DHRSX: variants seen among roughly 807,000 people sequenced by gnomAD.
The protein encoded by DHRSX is dehydrogenase/reductase X-linked, also known as polyprenol dehydrogenase.
Under a neutral mutation model 34.0 loss-of-function variants are expected in DHRSX, and 31 were observed. The observed-to-expected ratio is 0.91, with a 90% CI of 0.69 to 1.23. The LOEUF is 1.23. Ranked by LOEUF, DHRSX falls within the 50% of genes most tolerant of loss-of-function variation. The pLI is 0.00. For missense variants in DHRSX, 414 were observed against 428.1 expected (o/e 0.97, Z 0.29); for synonymous variants, 201 against 183.8 (o/e 1.09, Z -0.76).
chrX:2,236,943 C>T (rs1247380505), intron 6 of DHRSX, among the ~76,000 whole-genome samples: 1 of 151,748 alleles, frequency 6.6e-6, no homozygotes, highest in Non-Finnish European at 1.5e-5. Flanking sequence ...AATCCCAGCA[C>T]TTCGGCAGGC....
At chrX:2,420,231 AC>A (rs746412813) in intron 2 of DHRSX, among the ~76,000 whole-genome samples, 2 of 149,952 alleles carry the variant, frequency 1.3e-5, no homozygotes, top group African/African-American at 4.9e-5. Context: ...ACATGGTGAA[AC>A]CCCCCCTCTA....
intron 2 of DHRSX, among the ~76,000 whole-genome samples, chrX:2,410,700 A>C (rs2043616056): frequency 1.3e-5 from 2 of 152,234 alleles, no homozygotes; most frequent in South Asian, 4.1e-4. Context: ...AAAAACAATG[A>C]AAATGTTTTC....
chrX:2,266,390 G>A (rs1297786517), intron 5 of DHRSX, among the ~76,000 whole-genome samples: 1 of 147,988 alleles, frequency 6.8e-6, no homozygotes, highest in East Asian at 2.0e-4. Context: ...TGTCCCCAGA[G>A]CACCAGTGTA....
intron 1 of DHRSX, among the ~76,000 whole-genome samples, chrX:2,441,586 C>T (rs2044063198): frequency 1.3e-5 from 2 of 152,252 alleles, no homozygotes; most frequent in Admixed American, 1.3e-4. Context: ...CATGATGTCG[C>T]AGCTCAAGTC....
chrX:2,469,384 A>T (rs2044553702), intron 1 of DHRSX, among the ~76,000 whole-genome samples: 1 of 151,616 alleles, frequency 6.6e-6, no homozygotes, highest in Non-Finnish European at 1.5e-5. Flanking sequence ...GCCGCCATGT[A>T]TACATTGAAG....
chrX:2,233,582 G>A lies in DHRSX; in HGVS notation c.804+9441C>T, dbSNP rs183969687. Among the ~76,000 whole-genome samples, 5 of 152,142 alleles carry A rather than the reference G, an allele frequency of 3.3e-5. No individual in the cohort carries two copies. In the South Asian group the frequency reaches 8.3e-4, roughly 25 times the overall value. On this transcript the variant is annotated intron_variant, in intron 6 of 6. Transcript: ENST00000334651. ...CATCAAGCCACTCTTGAGTCCTGGA[G>A]AGTGTTGGAGCTGCAAGCTACAGAA...
chrX:2,474,455 A>G (rs1402471701), intron 1 of DHRSX, among the ~76,000 whole-genome samples: 1 of 151,412 alleles, frequency 6.6e-6, no homozygotes, highest in Non-Finnish European at 1.5e-5. Flanking sequence ...ACATTCCCTA[A>G]GAATGCAGCC....
At chrX:2,373,777 C>T (rs1284488519) in intron 3 of DHRSX, among the ~76,000 whole-genome samples, 5 of 152,174 alleles carry the variant, frequency 3.3e-5, no homozygotes, top group South Asian at 4.2e-4. Context: ...CAACAGGAAA[C>T]CTAGGCAGGC....
chrX:2,314,244 A>AGGGAATG (rs1442130185), intron 3 of DHRSX, among the ~76,000 whole-genome samples: 7 of 9,366 alleles, frequency 7.5e-4, no homozygotes, highest in Admixed American at 1.2e-3. Context: ...GGAGGGAAGG[A>AGGGAATG]AGGGAGGGAA....
chrX:2,467,077 A>C (rs28439417), intron 1 of DHRSX, among the ~76,000 whole-genome samples: 13,939 of 149,870 alleles, frequency 0.093, 796 homozygotes, highest in East Asian at 0.21. Context: ...AAAAAAAAAA[A>C]AAAAACGCTA....
At chrX:2,339,836 C>T (rs1481161956) in intron 3 of DHRSX, among the ~76,000 whole-genome samples, 1 of 152,042 alleles carries the variant, frequency 6.6e-6, no homozygotes, top group South Asian at 2.1e-4. Flanking sequence ...CATACGTGTG[C>T]ATGTGTCTTT....
chrX:2,410,564 T>C (rs1382738309), intron 2 of DHRSX, among the ~76,000 whole-genome samples: 3 of 151,662 alleles, frequency 2.0e-5, no homozygotes, highest in Admixed American at 6.6e-5. Context: ...ACACGGCGTA[T>C]TGAATTTACA....
intron 2 of DHRSX, among the ~76,000 whole-genome samples, chrX:2,412,200 G>A (rs2043639603): frequency 6.6e-6 from 1 of 152,178 alleles, no homozygotes; most frequent in Non-Finnish European, 1.5e-5. Context: ...TGTATTTGGG[G>A]GGGCAGGGGA....
In DHRSX at chrX:2,425,230, G is replaced by T. The variant is rs771007665; in HGVS notation, c.184C>A (p.His62Asn). 63 of 1,613,664 alleles carry T rather than the reference G, an allele frequency of 3.9e-5. 1 individual carries two copies. The South Asian group carries it at 6.9e-4, about 18-fold the overall frequency. ...TDGIGYSTAK[H>N]LARLGMHVII... ...ACATGCATGCCAAGTCTCGCCAGAT[G>T]CTTCGCTGTAGAATAGCCAATGCCA... Residue 62 changes from histidine (H) to asparagine (N), a missense_variant, in exon 2 of 7, where the codon CAT (histidine) becomes AAT (asparagine). His to Asn is a moderately conservative substitution (Grantham distance 68). Coordinates refer to ENST00000334651, the MANE Select transcript of DHRSX (RefSeq NM_145177.3).
chrX:2,360,424 A>G (rs1258740574), intron 3 of DHRSX, among the ~76,000 whole-genome samples: 2 of 152,096 alleles, frequency 1.3e-5, no homozygotes, highest in Non-Finnish European at 2.9e-5. Flanking sequence ...CTCTACTAAA[A>G]ATACAAAAAT....
At chrX:2,396,189 A>G (rs1258589508) in intron 3 of DHRSX, among the ~76,000 whole-genome samples, 1 of 151,808 alleles carries the variant, frequency 6.6e-6, no homozygotes, top group African/African-American at 2.4e-5. Context: ...GACAGCTATC[A>G]TTGGATTTAA....
intron 1 of DHRSX, among the ~76,000 whole-genome samples, chrX:2,493,702 G>T (rs941440268): frequency 6.6e-5 from 10 of 152,110 alleles, no homozygotes; most frequent in African/African-American, 2.4e-4. Flanking sequence ...AGGCACAGCG[G>T]CTCACGCCTG....
chrX:2,243,580 C>T (rs1346330507), intron 5 of DHRSX, among the ~76,000 whole-genome samples: 1 of 151,720 alleles, frequency 6.6e-6, no homozygotes, highest in Non-Finnish European at 1.5e-5. Context: ...TCCACCTGCC[C>T]GGTTCAAGTG....
At chrX:2,325,283 G>C (rs972537014) in intron 3 of DHRSX, among the ~76,000 whole-genome samples, 18 of 128,650 alleles carry the variant, frequency 1.4e-4, no homozygotes, top group South Asian at 2.6e-4. Context: ...TCCATCTTCC[G>C]GGCAGGAACT....
Sources: gnomAD v4.1 joint callset for allele counts (sites outside exome capture counted in the v4.1 genomes callset) on GRCh38, gnomAD v4.1.1 for gene constraint, MANE v1.5 for transcripts, NCBI Gene and HGNC (gene_info 2026-07-23, HGNC 2026-07-21) for gene names.